Variants in ARHGEF10L observed in about 807,000 individuals in gnomAD.
ARHGEF10L encodes the protein rho guanine nucleotide exchange factor 10-like protein.
ARHGEF10L carries 69 observed loss-of-function variants against 141.2 expected under a neutral mutation model. The observed-to-expected ratio is 0.49, with a 90% confidence interval of 0.40 to 0.60. The LOEUF (loss-of-function observed/expected upper bound fraction) is 0.60. Ranked by LOEUF, ARHGEF10L falls within the 20% of genes least tolerant of loss-of-function variation. The probability of loss-of-function intolerance (pLI) is 0.00; values close to 1 mark genes in which losing one functional copy is unlikely to be tolerated. For synonymous variants in ARHGEF10L, 711 were observed against 718.5 expected, an observed-to-expected ratio of 0.99 and a Z score of 0.17; for missense variants, 1,482 against 1,734.3, an observed-to-expected ratio of 0.85 and a Z score of 2.58.
chr1:17,550,103 G>A (rs1292732108), intron 1 of ARHGEF10L, among the ~76,000 whole-genome samples: 1 of 152,170 alleles, frequency 6.6e-6, no homozygotes, highest in African/African-American at 2.4e-5. Flanking sequence ...ATTTGGCAGT[G>A]GAATAGGAGA....
chr1:17,623,241 C>A lies in ARHGEF10L; in HGVS notation c.1200+66C>A. On this transcript the variant is annotated intron_variant, in intron 12 of 28. Transcript: ENST00000361221. The surrounding 1 kb of genome is among the most constrained non-coding windows in gnomAD (Gnocchi z 4.7). ...AACCACAACCAGTCTGACCCCGGGGCCATGCAGTCCAGCCTCCTGCCTCTG... is the reference window on the plus strand; with the variant it reads ...AACCACAACCAGTCTGACCCCGGGGACATGCAGTCCAGCCTCCTGCCTCTG... 2 of 1,548,594 alleles carry A rather than the reference C, an allele frequency of 1.3e-6. No individual in the cohort carries two copies. Among genetic ancestry groups the A allele is most frequent in the South Asian group, 1.2e-5 (1 of 82,678 alleles).
At position 17,697,512 on chromosome 1, in the gene ARHGEF10L, G is replaced by A. The variant is rs2065596077; in HGVS notation, c.*132G>A. ...CCAGAAACTACTTGGGCAGAGCAAA[G>A]GAAAACCTCTTGTTTTAAAAAAATT... On this transcript the variant is annotated 3_prime_UTR_variant, in exon 29 of 29. Coordinates refer to ENST00000361221, the MANE Select transcript of ARHGEF10L (RefSeq NM_018125.4). The surrounding 1 kb of genome is among the most constrained non-coding windows in gnomAD (Gnocchi z 4.8). 8 of 1,268,334 alleles carry A rather than the reference G, an allele frequency of 6.3e-6. No homozygotes were observed. Among genetic ancestry groups the A allele is most frequent in the Non-Finnish European group, 8.6e-6 (8 of 930,682 alleles). The allele number at this position is 1,268,334 out of a possible 1,614,324, so 78.6% of individuals were successfully genotyped here.
At chr1:17,605,695 C>A (rs1281486078) in intron 6 of ARHGEF10L, among the ~76,000 whole-genome samples, 3 of 152,134 alleles carry the variant, frequency 2.0e-5, no homozygotes. Context: ...CCGCTGGGAG[C>A]CGTGGCACAC....
intron 1 of ARHGEF10L, among the ~76,000 whole-genome samples, chr1:17,569,941 GCC>G (rs2077924465): frequency 1.3e-5 from 2 of 152,238 alleles, no homozygotes; most frequent in African/African-American, 4.8e-5. Flanking sequence ...CCTGGCATCA[GCC>G]CCAGACCTCT....
the ARHGEF10L span, among the ~76,000 whole-genome samples, chr1:17,531,601 A>T: frequency 3.2e-4 from 49 of 152,244 alleles, no homozygotes; most frequent in Middle Eastern, 6.8e-3. Context: ...GGTTGCCTGG[A>T]GGCTTAGCAC....
the ARHGEF10L span, among the ~76,000 whole-genome samples, chr1:17,514,710 T>C: frequency 6.6e-6 from 1 of 152,230 alleles, no homozygotes; most frequent in Non-Finnish European, 1.5e-5. Flanking sequence ...CATTTTGCCT[T>C]ACCTATATCT....
intron 16 of ARHGEF10L, 42 bp downstream of exon 16, chr1:17,632,508 G>GT: frequency 6.2e-7 from 1 of 1,612,714 alleles, no homozygotes; most frequent in Non-Finnish European, 8.5e-7. Context: ...CCCCTCCCTG[G>GT]AGACCCCATC....
intron 26 of ARHGEF10L, among the ~76,000 whole-genome samples, chr1:17,681,668 G>T (rs1315739541): frequency 6.6e-6 from 1 of 152,182 alleles, no homozygotes; most frequent in African/African-American, 2.4e-5. Context: ...GCAGTCCTCG[G>T]GGAGGAAGAA....
At chr1:17,661,971 A>G (rs560228829) in intron 25 of ARHGEF10L, among the ~76,000 whole-genome samples, 10 of 152,086 alleles carry the variant, frequency 6.6e-5, no homozygotes, top group Non-Finnish European at 1.3e-4. Flanking sequence ...CTGGCCTGTC[A>G]CCCCTTGGGT....
At chr1:17,533,166 T>G in the ARHGEF10L span, among the ~76,000 whole-genome samples, 2 of 152,166 alleles carry the variant, frequency 1.3e-5, no homozygotes, top group Non-Finnish European at 2.9e-5. Context: ...TTGACGAACA[T>G]TCAAGGCTAG....
chr1:17,669,227 C>G (rs1015058156), intron 26 of ARHGEF10L, among the ~76,000 whole-genome samples: 1 of 152,208 alleles, frequency 6.6e-6, no homozygotes, highest in Non-Finnish European at 1.5e-5. Context: ...CAGGCATGTG[C>G]TTTGGCTGAG....
In ARHGEF10L at chr1:17,601,064, A is replaced by AAC. The variant is rs1557789038; in HGVS notation, c.258-1062_258-1061insCA. ...GGCTCTGTCTCAAAAAAAAAAAAAA[A>AAC]AAAACAAAAAACAAAAAACTCTAAA... On this transcript the variant is annotated intron_variant, in intron 4 of 28. Coordinates refer to ENST00000361221, the MANE Select transcript of ARHGEF10L (RefSeq NM_018125.4). Among the ~76,000 whole-genome samples, 757 of 148,336 alleles carry AAC rather than the reference A, an allele frequency of 5.1e-3. 6 individuals are homozygous for AAC. The highest frequency in any genetic ancestry group is 0.017 in the African/African-American group (677 of 39,212).
rs71643461 is a variant in ARHGEF10L at position 17,697,082 on chromosome 1, C to A, written c.3542C>A (p.Ala1181Glu). 8 of 1,606,892 alleles carry A rather than the reference C, an allele frequency of 5.0e-6. No individual in the cohort carries two copies. The highest frequency in any genetic ancestry group is 6.8e-6 in the Non-Finnish European group (8 of 1,176,176). The change falls in exon 29 of 29, where the codon GCA (alanine) becomes GAA (glutamate). Residue 1181 changes from alanine to glutamate, a missense_variant. Coordinates refer to ENST00000361221, the MANE Select transcript of ARHGEF10L (RefSeq NM_018125.4). This position sits in a 1 kb window ranked among gnomAD's most constrained non-coding sequence, Gnocchi z 4.8. ...ILLQYRLRST[A>E]HLPGPLLSMR... ...TTGCAGTACCGCCTGCGCTCCACCGCACACCTCCCGGGCCCGCTGCTCTCC... is the reference window on the plus strand; with the variant it reads ...TTGCAGTACCGCCTGCGCTCCACCGAACACCTCCCGGGCCCGCTGCTCTCC...
Position 17,697,411 on chromosome 1 carries a change from T to G in ARHGEF10L, c.*31T>G. 6.4e-7 allele frequency: 1 copy of G among 1,556,778 alleles called. No homozygotes were observed. The highest frequency in any genetic ancestry group is 8.7e-7 in the Non-Finnish European group (1 of 1,149,368). ...CCCCTCTCCCCTCAGAGGGCACAGC[T>G]GCAGGCCTGACCAAGGCCACGCCCG... On this transcript the variant is annotated 3_prime_UTR_variant, in exon 29 of 29. Coordinates refer to ENST00000361221, the MANE Select transcript of ARHGEF10L (RefSeq NM_018125.4). This position sits in a 1 kb window ranked among gnomAD's most constrained non-coding sequence, Gnocchi z 4.8.
rs775391617 is a variant in ARHGEF10L at position 17,607,180 on chromosome 1, C to T, written c.434-622C>T. Among the ~76,000 whole-genome samples the T allele has an allele frequency of 1.3e-5, 2 of 152,200 alleles. No homozygotes were observed. Among genetic ancestry groups the T allele is most frequent in the South Asian group, 2.1e-4 (1 of 4,826 alleles). Reference sequence around the variant, plus strand: ...CTCTTTTCCAGTAAGAAACAGGCCACGTGTGGTGGCTCGGCTGGGTGTGGT... The same window carrying T: ...CTCTTTTCCAGTAAGAAACAGGCCATGTGTGGTGGCTCGGCTGGGTGTGGT... On this transcript the variant is annotated intron_variant, in intron 6 of 28. Transcript: ENST00000361221. This position sits in a 1 kb window ranked among gnomAD's most constrained non-coding sequence, Gnocchi z 4.5.
rs142329235 is a variant in ARHGEF10L at position 17,648,604 on chromosome 1, A to G, written c.2323A>G (p.Lys775Glu). Reference sequence around the variant, plus strand: ...ATGCCCGGATGAGGACAAGAAGAGCAAAGCCCCATTCTGGTGCCCGATCCT... The same window carrying G: ...ATGCCCGGATGAGGACAAGAAGAGCGAAGCCCCATTCTGGTGCCCGATCCT... ...WLCPDEDKKS[K>E]APFWCPILAC... The change falls in exon 22 of 29, where the codon AAA becomes GAA. Residue 775 changes from lysine to glutamate, a missense_variant. Physicochemically the swap from Lys to Glu is moderately conservative, Grantham distance 56. Coordinates refer to ENST00000361221, the MANE Select transcript of ARHGEF10L (RefSeq NM_018125.4). 6.2e-7 allele frequency: 1 copy of G among 1,613,558 alleles called. No individual in the cohort carries two copies. Among genetic ancestry groups the G allele is most frequent in the African/African-American group, 1.3e-5 (1 of 74,920 alleles).
the ARHGEF10L span, among the ~76,000 whole-genome samples, chr1:17,516,972 C>T: frequency 6.6e-6 from 1 of 152,198 alleles, no homozygotes; most frequent in African/African-American, 2.4e-5. Flanking sequence ...TTTAATTCTC[C>T]TGCATGGTTG....
chr1:17,575,592 A>G (rs2078187334), intron 1 of ARHGEF10L, among the ~76,000 whole-genome samples: 1 of 152,204 alleles, frequency 6.6e-6, no homozygotes, highest in African/African-American at 2.4e-5. Context: ...ATGAGATCCG[A>G]GAGGTCGGTG....
At chr1:17,680,967 A>G (rs1172809467) in intron 26 of ARHGEF10L, among the ~76,000 whole-genome samples, 3 of 151,982 alleles carry the variant, frequency 2.0e-5, no homozygotes, top group African/African-American at 4.8e-5. Flanking sequence ...TAATTTTAGT[A>G]GAGACATGTT....
Sources: allele counts gnomAD v4.1 joint callset (sites outside exome capture counted in the v4.1 genomes callset), GRCh38; gene constraint gnomAD v4.1.1; non-coding constraint Gnocchi (gnomAD v3.1); transcripts MANE v1.5; gene names NCBI Gene and HGNC (gene_info 2026-07-23, HGNC 2026-07-21).